The following LIMCH1 variants were observed in gnomAD, a reference collection of about 807,000 sequenced individuals.
The protein encoded by LIMCH1 is LIM and calponin homology domains 1, also known as LIM and calponin homology domains-containing protein 1.
In LIMCH1, 113 loss-of-function variants were observed where a neutral mutation model predicts 176.5. The observed-to-expected ratio is 0.64, with a 90% CI of 0.55 to 0.75. The LOEUF (loss-of-function observed/expected upper bound fraction) is 0.75, where lower values mean the gene tolerates loss of function less well. LIMCH1 is among the 30% of genes least tolerant of loss of function. The pLI is 0.00. For missense variants in LIMCH1, 1,674 were observed against 1,814.9 expected, an observed-to-expected ratio of 0.92 and a Z score of 1.41; for synonymous variants, 619 against 645.9, an observed-to-expected ratio of 0.96 and a Z score of 0.63.
intron 24 of LIMCH1, 57 bp from the exon 25 acceptor site, chr4:41,680,898 T>C: frequency 1.0e-6 from 1 of 984,574 alleles, no homozygotes; most frequent in African/African-American, 1.6e-5. Context: ...CATTTTTGTC[T>C]TGACAAATAT....
At chr4:41,544,453 G>A (rs557635042) in intron 1 of LIMCH1, among the ~76,000 whole-genome samples, 245 of 152,264 alleles carry the variant, frequency 1.6e-3, no homozygotes, top group Middle Eastern at 3.4e-3. Flanking sequence ...TGCTCCTGTC[G>A]AGGGGAGCAG....
At chr4:41,682,252 TC>T in intron 25 of LIMCH1, 80 bp from the exon 26 acceptor site, 1 of 1,037,652 alleles carries the variant, frequency 9.6e-7, no homozygotes, top group Non-Finnish European at 1.3e-6. Flanking sequence ...GAAAAATACT[TC>T]AAATATCCCT....
At position 41,644,518 on chromosome 4, in the gene LIMCH1, C is replaced by A; in HGVS notation, c.2145C>A (p.Asp715Glu). 6.3e-7 allele frequency: 1 copy of A among 1,580,140 alleles called. No homozygotes were observed. The highest frequency in any genetic ancestry group is 2.3e-5 in the East Asian group (1 of 42,714). ...SDDAESTSMF[D>E]MRCEEEAAVQ... ...CACTCAGGAGCACCAGCATGTTTGA[C>A]ATGCGGTGTGAGGAGGAGGCCGCGG... is the stretch of plus-strand genomic sequence containing the variant. Residue 715 changes from aspartate (D) to glutamate (E), a missense_variant, in exon 15 of 32, where the codon GAC (aspartate) becomes GAA (glutamate). Physicochemically the swap from Asp to Glu is conservative, Grantham distance 45 (BLOSUM62 2). Around this residue, in one of 3 missense-constraint regions of LIMCH1, gnomAD observed 1,015 missense variants for 1,102.5 expected, o/e 0.92. Transcript: ENST00000503057.
intron 4 of LIMCH1, among the ~76,000 whole-genome samples, chr4:41,608,690 C>A (rs2152779907): frequency 6.6e-6 from 1 of 152,076 alleles, no homozygotes; most frequent in East Asian, 1.9e-4. Flanking sequence ...TTTAAAGGAT[C>A]TCTAACATCA....
At chr4:41,521,143 T>G (rs2076081837) in intron 2 of LIMCH1, among the ~76,000 whole-genome samples, 1 of 152,204 alleles carries the variant, frequency 6.6e-6, no homozygotes, top group Admixed American at 6.5e-5. Context: ...GGGTTTTTGA[T>G]TTTTGTGTTT....
At chr4:41,361,009 A>G in intron 1 of LIMCH1, 2 of 1,147,064 alleles carry the variant, frequency 1.7e-6, no homozygotes, top group Non-Finnish European at 2.4e-6. Flanking sequence ...CTCCGACCGC[A>G]GGTCCAGCCT....
chr4:41,683,778 A>T lies in LIMCH1; in HGVS notation c.3846-619A>T, dbSNP rs145055966. Among the ~76,000 whole-genome samples, 8 of 152,314 alleles carry T rather than the reference A, an allele frequency of 5.3e-5. No individual in the cohort carries two copies. The East Asian group carries it at 1.5e-3, about 29-fold the overall frequency. ...TTTCCAGTTTAAACTCTTTAAAGGG[A>T]CTTTTCAGTTTTATGCAATGAAAAC... On this transcript the variant is annotated intron_variant, in intron 26 of 31. Coordinates refer to ENST00000503057, the MANE Select transcript of LIMCH1 (RefSeq NM_001330672.2).
At chr4:41,360,023 T>TA (rs758860323), upstream of LIMCH1, among the ~76,000 whole-genome samples, 2 of 108,494 alleles carry the variant, frequency 1.8e-5, no homozygotes, top group African/African-American at 8.4e-5. The surrounding 1 kb of genome is among the most constrained non-coding windows in gnomAD (Gnocchi z 4.5). Context: ...GTAGGGTGTG[T>TA]AGGGTGTGTG....
At chr4:41,529,163 C>A (rs1300644924) in intron 3 of LIMCH1, among the ~76,000 whole-genome samples, 1 of 152,114 alleles carries the variant, frequency 6.6e-6, no homozygotes, top group Non-Finnish European at 1.5e-5. Context: ...ATTGTACTAT[C>A]GAGCCACATC....
chr4:41,579,183 A>G (rs1482924998), intron 1 of LIMCH1, among the ~76,000 whole-genome samples: 2 of 152,114 alleles, frequency 1.3e-5, no homozygotes, highest in African/African-American at 2.4e-5. Flanking sequence ...TGTCAAGTGT[A>G]AAATGATTAT....
intron 1 of LIMCH1, among the ~76,000 whole-genome samples, chr4:41,473,374 A>G (rs1034274153): frequency 6.6e-6 from 1 of 152,234 alleles, no homozygotes; most frequent in African/African-American, 2.4e-5. Flanking sequence ...GAGAAAGAAC[A>G]GAGCTGTTGA....
intron 2 of LIMCH1, among the ~76,000 whole-genome samples, chr4:41,517,072 GATGGAGA>G (rs2075650868): frequency 6.6e-6 from 1 of 152,182 alleles, no homozygotes; most frequent in Non-Finnish European, 1.5e-5. Flanking sequence ...AACAGGGAAG[GATGGAGA>G]CAACTCTGCT....
rs111926037 is a variant in LIMCH1, at chr4:41,663,279, G to A, written c.3291+295G>A. On this transcript the variant is annotated intron_variant, in intron 20 of 31. Transcript: ENST00000503057. ...AGTGATTCTCCTGCCTTAGGCTCCCGAGTAGCTGGGATTATAGGCGTCTGC... is the reference window on the plus strand; with the variant it reads ...AGTGATTCTCCTGCCTTAGGCTCCCAAGTAGCTGGGATTATAGGCGTCTGC... Among the ~76,000 whole-genome samples the A allele has an allele frequency of 7.4e-3, 1,128 of 152,004 alleles. 19 individuals are homozygous for A. Among genetic ancestry groups the A allele is most frequent in the African/African-American group, 0.026 (1,074 of 41,446 alleles).
At chr4:41,686,977 A>G (rs961272138) in intron 28 of LIMCH1, among the ~76,000 whole-genome samples, 1 of 152,150 alleles carries the variant, frequency 6.6e-6, no homozygotes, top group Non-Finnish European at 1.5e-5. Flanking sequence ...ATTGGTACTT[A>G]TACTTTAGGG....
chr4:41,638,582 G>A (rs561878093), intron 13 of LIMCH1, among the ~76,000 whole-genome samples: 1 of 152,324 alleles, frequency 6.6e-6, no homozygotes, highest in South Asian at 2.1e-4. Context: ...GTGAATGACT[G>A]TAATACATGT....
chr4:41,616,320 G>A (rs2092067437), intron 5 of LIMCH1, among the ~76,000 whole-genome samples: 1 of 151,864 alleles, frequency 6.6e-6, no homozygotes, highest in African/African-American at 2.4e-5. Flanking sequence ...CTGAGGTCAG[G>A]AGTTCAAGAC....
chr4:41,554,707 C>T (rs1483914889), intron 1 of LIMCH1, among the ~76,000 whole-genome samples: 2 of 152,180 alleles, frequency 1.3e-5, no homozygotes, highest in African/African-American at 4.8e-5. Flanking sequence ...TGCCAAGTCT[C>T]ATCCATCCTG....
intron 1 of LIMCH1, among the ~76,000 whole-genome samples, chr4:41,578,857 A>G (rs2084930287): frequency 6.6e-6 from 1 of 151,782 alleles, no homozygotes; most frequent in African/African-American, 2.4e-5. Flanking sequence ...ATGCAAACCC[A>G]CACCTGGCTA....
chr4:41,483,292 G>A (rs2068962065), intron 1 of LIMCH1, among the ~76,000 whole-genome samples: 1 of 152,030 alleles, frequency 6.6e-6, no homozygotes. Context: ...GTTTTTGGTG[G>A]GGGGTGTGGG....
Sources: allele counts gnomAD v4.1 joint callset (sites outside exome capture counted in the v4.1 genomes callset), GRCh38; gene constraint gnomAD v4.1.1; regional missense constraint gnomAD v4.1.1; non-coding constraint Gnocchi (gnomAD v3.1); transcripts MANE v1.5; gene names NCBI Gene and HGNC (gene_info 2026-07-23, HGNC 2026-07-21).